Variants in FAM20A observed in about 807,000 individuals in gnomAD.
FAM20A encodes FAM20A golgi associated secretory pathway pseudokinase, also known as pseudokinase FAM20A.
FAM20A carries 42 observed loss-of-function variants against 52.0 expected under a neutral mutation model. The ratio of observed to expected loss-of-function variants is 0.81; its 90% CI spans 0.63 to 1.04. FAM20A has a LOEUF of 1.04. Ranked by LOEUF, FAM20A falls within the 50% of genes least tolerant of loss-of-function variation. FAM20A has a pLI of 0.00. For synonymous variants in FAM20A, 304 were observed against 298.9 expected (o/e 1.02, Z -0.18); for missense variants, 742 against 712.7 (o/e 1.04, Z -0.47).
At chr17:68,558,013 A>G (rs1415750712) in intron 1 of FAM20A, among the ~76,000 whole-genome samples, 1 of 152,142 alleles carries the variant, frequency 6.6e-6, no homozygotes, top group Non-Finnish European at 1.5e-5. Flanking sequence ...ATTGAATCGC[A>G]TGAGCCCTTG....
rs576230517 is a variant in FAM20A, at chr17:68,552,666, CTTTTTTTTTT to C, written c.641-725_641-716del. Among the ~76,000 whole-genome samples, 11 of 66,844 alleles carry C rather than the reference CTTTTTTTTTT, an allele frequency of 1.6e-4. 1 individual carries two copies. Among genetic ancestry groups the C allele is most frequent in the South Asian group, 6.5e-4 (1 of 1,530 alleles). The allele number at this position is 66,844 out of a possible 152,430, so 43.9% of individuals were successfully genotyped here. ...TGGAGCCCTGTAAACCTTTATTTTC[CTTTTTTTTTT>C]TTTTTTTTTTTTTTTTGAGACGGAG... On this transcript the variant is annotated intron_variant, in intron 3 of 10. Coordinates refer to ENST00000592554, the MANE Select transcript of FAM20A (RefSeq NM_017565.4).
At chr17:68,581,626 A>T in intron 1 of FAM20A, among the ~76,000 whole-genome samples, 1 of 124,572 alleles carries the variant, frequency 8.0e-6, no homozygotes, top group African/African-American at 3.2e-5. Context: ...CCCAGGCTGG[A>T]GTTCAGTGGT....
chr17:68,597,099 G>A (rs941104525), intron 1 of FAM20A, among the ~76,000 whole-genome samples: 1 of 152,148 alleles, frequency 6.6e-6, no homozygotes, highest in African/African-American at 2.4e-5. Flanking sequence ...AAAGGAACGT[G>A]TGGGTGAGTG....
At chr17:68,548,170 A>G (rs528826765) in intron 4 of FAM20A, among the ~76,000 whole-genome samples, 2 of 152,310 alleles carry the variant, frequency 1.3e-5, no homozygotes, top group East Asian at 3.9e-4. Context: ...CAAGGTTGGC[A>G]ATCACTTGAG....
At chr17:68,590,071 A>G (rs1399019690) in intron 1 of FAM20A, 1 of 152,354 alleles carries the variant, frequency 6.6e-6, no homozygotes, top group South Asian at 2.1e-4. Context: ...GCAGGATCAT[A>G]ATGGTGCATA....
rs2143708955 is a variant in FAM20A, at chr17:68,555,553, C to A, written c.589+6G>T. On this transcript the variant is annotated splice_donor_region_variant and intron_variant, in intron 2 of 10. Transcript: ENST00000592554. ...GTCCCCCCTTGCTTGATCCCATGAA[C>A]CTTACCAGCACTGATGGTGGGAAAG... The A allele has an allele frequency of 5.0e-6, 8 of 1,612,552 alleles. No individual in the cohort carries two copies. Among genetic ancestry groups the A allele is most frequent in the Non-Finnish European group, 6.8e-6 (8 of 1,180,028 alleles).
chr17:68,595,633 TCTTAG>T (rs67456262), intron 1 of FAM20A, among the ~76,000 whole-genome samples: 3,243 of 152,242 alleles, frequency 0.021, 87 homozygotes, highest in East Asian at 0.12. Flanking sequence ...CCACTTCCTG[TCTTAG>T]CTTAGCATTG....
rs374909023 is a variant in FAM20A at position 68,552,723 on chromosome 17, G to A, written c.641-772C>T. On this transcript the variant is annotated intron_variant, in intron 3 of 10. Coordinates refer to ENST00000592554, the MANE Select transcript of FAM20A (RefSeq NM_017565.4). The stretch of plus-strand genomic sequence containing the variant: ...GGAGTCTCGCTCTGTCGCCCAGGCC[G>A]GACTGCGGACTGCAGTGGCGCAATC... Among the ~76,000 whole-genome samples, 762 of 87,676 alleles carry A rather than the reference G, an allele frequency of 8.7e-3. 52 individuals carry two copies. Among genetic ancestry groups the A allele is most frequent in the African/African-American group, 0.03 (731 of 24,520 alleles). 57.5% of individuals were successfully genotyped at this position (87,676 alleles called of 152,430 possible).
intron 9 of FAM20A, 45 bp downstream of exon 9, chr17:68,539,840 C>T (rs2086210656): frequency 1.3e-6 from 2 of 1,585,002 alleles, no homozygotes; most frequent in African/African-American, 1.3e-5. Flanking sequence ...CACAGAGCAG[C>T]ACATCTGGGA....
At position 68,600,179 on chromosome 17, in the gene FAM20A, G is replaced by A. The variant is rs1476246692; in HGVS notation, c.404+84C>T. On this transcript the variant is annotated intron_variant, in intron 1 of 10. Coordinates refer to ENST00000592554, the MANE Select transcript of FAM20A (RefSeq NM_017565.4). The surrounding 1 kb of genome is among the most constrained non-coding windows in gnomAD (Gnocchi z 6.2). ...GTGGAGCCGCTGCAGCCCTGGGCCGGGGGCGTCAGGAAACTCGAGACTGGG... is the reference window on the plus strand; with the variant it reads ...GTGGAGCCGCTGCAGCCCTGGGCCGAGGGCGTCAGGAAACTCGAGACTGGG... The A allele has an allele frequency of 6.8e-7, 1 of 1,469,112 alleles. No homozygotes were observed. Among genetic ancestry groups the A allele is most frequent in the Non-Finnish European group, 9.1e-7 (1 of 1,094,828 alleles). The allele number at this position is 1,469,112 out of a possible 1,614,324, so 91.0% of individuals were successfully genotyped here. A position where few individuals can be genotyped will look rare whatever the true frequency, so the allele number is the denominator to read the frequency against.
intron 1 of FAM20A, among the ~76,000 whole-genome samples, chr17:68,597,027 T>C (rs113412628): frequency 0.011 from 1,617 of 152,198 alleles, 31 homozygotes; most frequent in African/African-American, 0.037. Flanking sequence ...TGAACAAATA[T>C]TAATTAAAAA....
chr17:68,542,612 C>T (rs1407709221), intron 6 of FAM20A, 82 bp downstream of exon 6: 2 of 1,051,740 alleles, frequency 1.9e-6, no homozygotes, highest in Admixed American at 1.7e-5. Context: ...AGCAGGGTGT[C>T]AGGCCACTGA....
intron 1 of FAM20A, among the ~76,000 whole-genome samples, chr17:68,584,796 C>G (rs1052415927): frequency 1.3e-5 from 2 of 152,218 alleles, no homozygotes; most frequent in African/African-American, 4.8e-5. Flanking sequence ...CTGCTGCGGA[C>G]CAACTGCTAT....
In FAM20A at chr17:68,600,688, G is replaced by A; in HGVS notation, c.-22C>T. On this transcript the variant is annotated 5_prime_UTR_variant, in exon 1 of 11. Coordinates refer to ENST00000592554, the MANE Select transcript of FAM20A (RefSeq NM_017565.4). The surrounding 1 kb of genome is among the most constrained non-coding windows in gnomAD (Gnocchi z 6.2). ...GCATGGCGTGCTGGCCAAGGGGGAC[G>A]CCGGGGGCAGGCCGGCTGTCTCCGG... 6 of 1,530,624 alleles carry A rather than the reference G, an allele frequency of 3.9e-6. No individual in the cohort carries two copies. The highest frequency in any genetic ancestry group is 5.2e-6 in the Non-Finnish European group (6 of 1,145,086). 94.8% of individuals were successfully genotyped at this position (1,530,624 alleles called of 1,614,324 possible).
chr17:68,600,465 C>T lies in FAM20A; in HGVS notation c.202G>A (p.Val68Met), dbSNP rs1447990711. The T allele has an allele frequency of 6.2e-7, 1 of 1,608,536 alleles. No homozygotes were observed. The highest frequency in any genetic ancestry group is 1.7e-5 in the Admixed American group (1 of 59,608). Residue 68 changes from valine (V) to methionine (M), a missense_variant, in exon 1 of 11, where the codon GTG becomes ATG. Coordinates refer to ENST00000592554, the MANE Select transcript of FAM20A (RefSeq NM_017565.4). The surrounding 1 kb of genome is among the most constrained non-coding windows in gnomAD (Gnocchi z 6.2). ...GGCTCGGTTCGGGAAAAGTTGTGCA[C>T]GATCGTGCCGGGGTCCGAGGCAGCT... Reference protein sequence around the residue: ...AAAASDPGTIVHNFSRTEPRT... With the variant: ...AAAASDPGTIMHNFSRTEPRT...
Position 68,555,598 on chromosome 17 carries a change from G to A in FAM20A, c.550C>T (p.Leu184Phe). 1 of 1,613,402 alleles carries A rather than the reference G, an allele frequency of 6.2e-7. No homozygotes were observed. The highest frequency in any genetic ancestry group is 1.1e-5 in the South Asian group (1 of 91,042). ...GGAAAGTGCCTCATGTCTTGCAGAA[G>A]TTTGCTGACAACAGGGCTGGACCGG... ...YSRSSPVVSK[L>F]LQDMRHFPTI... is the part of the protein sequence containing the mutation. The change falls in exon 2 of 11, where the codon CTT becomes TTT. Residue 184 changes from leucine (L) to phenylalanine (F), a missense_variant. Coordinates refer to ENST00000592554, the MANE Select transcript of FAM20A (RefSeq NM_017565.4).
chr17:68,536,517 T>C lies in FAM20A; in HGVS notation c.*960A>G. The C allele has an allele frequency of 2.2e-6, 1 of 454,120 alleles. No individual in the cohort carries two copies. The highest frequency in any genetic ancestry group is 4.4e-6 in the Non-Finnish European group (1 of 226,782). The allele number at this position is 454,120 out of a possible 1,614,324, so 28.1% of individuals were successfully genotyped here. A position where few individuals can be genotyped will look rare whatever the true frequency, so the allele number is the denominator to read the frequency against. On this transcript the variant is annotated 3_prime_UTR_variant, in exon 11 of 11. Transcript: ENST00000592554. ...AATAAAAAACCTGACTTAGTCTTTT[T>C]TGAGCCAGCCGTCACAGGGAGGGGC...
intron 3 of FAM20A, 65 bp from the exon 4 acceptor site, chr17:68,552,016 TC>T (rs2086859299): frequency 1.9e-6 from 2 of 1,046,110 alleles, no homozygotes; most frequent in South Asian, 2.7e-5. Context: ...GTGACTCTGT[TC>T]CTTCAATAAG....
At chr17:68,580,742 C>T (rs957573437) in intron 1 of FAM20A, among the ~76,000 whole-genome samples, 10 of 152,192 alleles carry the variant, frequency 6.6e-5, no homozygotes, top group Non-Finnish European at 1.0e-4. Flanking sequence ...AGGAAAATAG[C>T]TAACTACCTC....
Sources: gnomAD v4.1 joint callset for allele counts (sites outside exome capture counted in the v4.1 genomes callset) on GRCh38, gnomAD v4.1.1 for gene constraint, Gnocchi (gnomAD v3.1) non-coding constraint, MANE v1.5 for transcripts, NCBI Gene and HGNC (gene_info 2026-07-23, HGNC 2026-07-21) for gene names.